ANKRD13C: variants seen among roughly 807,000 people sequenced by gnomAD.
ANKRD13C encodes ankyrin repeat domain-containing protein 13C.
In ANKRD13C, 16 loss-of-function variants were observed where a neutral mutation model predicts 65.5. The ratio of observed to expected loss-of-function variants is 0.24; its 90% confidence interval spans 0.17 to 0.37. The LOEUF (loss-of-function observed/expected upper bound fraction) is 0.37. ANKRD13C is among the 10% of genes least tolerant of loss of function. The pLI is 1.00. For synonymous variants in ANKRD13C, 235 were observed against 238.7 expected (o/e 0.98, Z 0.14); for missense variants, 503 against 655.9 (o/e 0.77, Z 2.55).
In ANKRD13C at chr1:70,299,501, C is replaced by T. The variant is rs554439569; in HGVS notation, c.921+1263G>A. ...CCAGGAAGATCATTTATAAGACTTTCCAATGGTCCAGTTGAGAAATAATGA... is the reference window on the plus strand; with the variant it reads ...CCAGGAAGATCATTTATAAGACTTTTCAATGGTCCAGTTGAGAAATAATGA... On this transcript the variant is annotated intron_variant, in intron 7 of 12. Transcript: ENST00000370944. Among the ~76,000 whole-genome samples, 18 of 152,204 alleles carry T rather than the reference C, an allele frequency of 1.2e-4. No individual in the cohort carries two copies. The South Asian group carries it at 3.3e-3, about 28-fold the overall frequency.
intron 5 of ANKRD13C, among the ~76,000 whole-genome samples, chr1:70,312,263 A>C (rs991193495): frequency 6.6e-6 from 1 of 152,218 alleles, no homozygotes; most frequent in Non-Finnish European, 1.5e-5. Flanking sequence ...TGAGAATATC[A>C]TAACTTCCTC....
intron 2 of ANKRD13C, among the ~76,000 whole-genome samples, chr1:70,326,671 G>GTA (rs1249175613): frequency 1.3e-5 from 2 of 149,936 alleles, no homozygotes; most frequent in African/African-American, 4.9e-5. Context: ...AATGTTGTTT[G>GTA]TATGGCAATT....
chr1:70,302,454 C>CCTATCTCTATAA (rs1680404232), intron 6 of ANKRD13C, among the ~76,000 whole-genome samples: 1 of 110,662 alleles, frequency 9.0e-6, no homozygotes, highest in African/African-American at 4.0e-5. Context: ...TGGCCGGGCG[C>CCTATCTCTATAA]GGTGGCTCAC....
intron 9 of ANKRD13C, among the ~76,000 whole-genome samples, chr1:70,282,054 C>G (rs1336821131): frequency 7.6e-6 from 1 of 132,026 alleles, no homozygotes. Flanking sequence ...TACATATCAT[C>G]TTTTTTTTTT....
rs116779939 is a variant in ANKRD13C at position 70,275,305 on chromosome 1, C to T, written c.1296-487G>A. Among the ~76,000 whole-genome samples, 1,110 of 152,244 alleles carry T rather than the reference C, an allele frequency of 7.3e-3. 13 individuals are homozygous for T. Among genetic ancestry groups the T allele is most frequent in the African/African-American group, 0.025 (1,042 of 41,542 alleles). On this transcript the variant is annotated intron_variant, in intron 10 of 12. Coordinates refer to ENST00000370944, the MANE Select transcript of ANKRD13C (RefSeq NM_030816.5). The stretch of plus-strand genomic sequence containing the variant: ...TTGGCTTTTATTTGCAACTCTAGCA[C>T]AGGACAATACCTAATTCTGTAAAAT...
At position 70,287,813 on chromosome 1, in the gene ANKRD13C, T is replaced by C. The variant is rs994722427; in HGVS notation, c.1215+4575A>G. Among the ~76,000 whole-genome samples the C allele has an allele frequency of 1.3e-4, 20 of 151,828 alleles. No homozygotes were observed. In the South Asian group the frequency reaches 1.5e-3, roughly 11 times the overall value. The stretch of plus-strand genomic sequence containing the variant: ...CTTGAGCCCAGGAGTTTGAGACCAG[T>C]CTGGGCAACATGGTGAGACCTTGTC... On this transcript the variant is annotated intron_variant, in intron 9 of 12. Transcript: ENST00000370944.
At chr1:70,332,710 C>T (rs1681865630) in intron 2 of ANKRD13C, among the ~76,000 whole-genome samples, 1 of 152,094 alleles carries the variant, frequency 6.6e-6, no homozygotes, top group Non-Finnish European at 1.5e-5. Flanking sequence ...AAGTGATCTG[C>T]CCGCCTCGGC....
intron 9 of ANKRD13C, among the ~76,000 whole-genome samples, chr1:70,290,135 A>G (rs565211896): frequency 1.2e-3 from 155 of 133,768 alleles, no homozygotes; most frequent in African/African-American, 4.0e-3. Context: ...GGATCACACT[A>G]AAGTGGCATG....
In ANKRD13C at chr1:70,320,332, CT is replaced by C. The variant is rs924019944; in HGVS notation, c.577+4520del. On this transcript the variant is annotated intron_variant, in intron 3 of 12. Transcript: ENST00000370944. ...ATAACAAAATATTAACAGTGGTTGT[CT>C]TTTTTTTTTTCTTGAGACAGGGTCT... 1.6e-3 allele frequency among the ~76,000 whole-genome samples: 232 copies of C among 147,360 alleles called. 1 individual carries two copies. The Middle Eastern group carries it at 0.018, about 11-fold the overall frequency.
intron 6 of ANKRD13C, among the ~76,000 whole-genome samples, chr1:70,302,451 G>C (rs1480336852): frequency 6.8e-6 from 1 of 146,726 alleles, no homozygotes; most frequent in Non-Finnish European, 1.5e-5. Flanking sequence ...TATTGGCCGG[G>C]CGCGGTGGCT....
At chr1:70,269,027 T>C (rs1296730699) in intron 12 of ANKRD13C, among the ~76,000 whole-genome samples, 4 of 149,624 alleles carry the variant, frequency 2.7e-5, no homozygotes, top group Non-Finnish European at 4.4e-5. Flanking sequence ...CTCCCAATGC[T>C]ATCCCTCCCC....
chr1:70,288,270 A>G (rs1679708512), intron 9 of ANKRD13C, among the ~76,000 whole-genome samples: 1 of 152,204 alleles, frequency 6.6e-6, no homozygotes, highest in South Asian at 2.1e-4. Context: ...GGATGTAGAA[A>G]AACTGGATCA....
At chr1:70,341,890 A>G (rs1285177704) in intron 1 of ANKRD13C, among the ~76,000 whole-genome samples, 2 of 152,086 alleles carry the variant, frequency 1.3e-5, no homozygotes, top group East Asian at 3.8e-4. Context: ...TAGGGAGACC[A>G]GTTATGAGTC....
At chr1:70,347,311 A>G (rs921809377) in intron 1 of ANKRD13C, among the ~76,000 whole-genome samples, 2 of 151,958 alleles carry the variant, frequency 1.3e-5, no homozygotes, top group Admixed American at 6.6e-5. Flanking sequence ...CCCCCATCCA[A>G]TTCTCTAGGA....
At chr1:70,353,828 C>T in intron 1 of ANKRD13C, 151 bp downstream of exon 1, 1 of 1,073,154 alleles carries the variant, frequency 9.3e-7, no homozygotes, top group Non-Finnish European at 1.3e-6. Context: ...CACTGGCACG[C>T]TATTACTGAG....
intron 1 of ANKRD13C, among the ~76,000 whole-genome samples, chr1:70,341,733 TTGAC>T (rs1301301781): frequency 6.6e-6 from 1 of 152,294 alleles, no homozygotes; most frequent in Middle Eastern, 3.4e-3. Flanking sequence ...TTCTTCTAGA[TTGAC>T]TATTTTTATT....
At chr1:70,305,706 A>G (rs998024493) in intron 6 of ANKRD13C, 1 of 152,188 alleles carries the variant, frequency 6.6e-6, no homozygotes, top group Non-Finnish European at 1.5e-5. Flanking sequence ...TTATAAAAGG[A>G]ACAGAATGAG....
intron 2 of ANKRD13C, among the ~76,000 whole-genome samples, chr1:70,335,728 C>T (rs1038457081): frequency 2.7e-5 from 4 of 149,392 alleles, no homozygotes; most frequent in African/African-American, 9.8e-5. Flanking sequence ...TCATATAAAA[C>T]TCTAATATGA....
At chr1:70,328,956 CAT>C (rs1681666533) in intron 2 of ANKRD13C, among the ~76,000 whole-genome samples, 1 of 151,970 alleles carries the variant, frequency 6.6e-6, no homozygotes, top group African/African-American at 2.4e-5. Flanking sequence ...GGAATGTAAA[CAT>C]GTAAGATATC....
Sources: gnomAD v4.1 joint callset for allele counts (sites outside exome capture counted in the v4.1 genomes callset) on GRCh38, gnomAD v4.1.1 for gene constraint, MANE v1.5 for transcripts, NCBI Gene and HGNC (gene_info 2026-07-23, HGNC 2026-07-21) for gene names.